ACIN1: variants seen among roughly 807,000 people sequenced by gnomAD.
ACIN1 encodes the protein apoptotic chromatin condensation inducer 1.
Under a neutral mutation model 146.6 loss-of-function variants are expected in ACIN1, and 16 were observed. That is an observed-to-expected ratio of 0.11 (90% CI 0.07 to 0.17). ACIN1 has a LOEUF of 0.17. Ranked by LOEUF, ACIN1 falls within the 10% of genes least tolerant of loss-of-function variation. The pLI is 1.00. For missense variants in ACIN1, 1,357 were observed against 1,609.3 expected, an observed-to-expected ratio of 0.84 and a Z score of 2.68; for synonymous variants, 569 against 582.7, an observed-to-expected ratio of 0.98 and a Z score of 0.34.
At chr14:23,062,085 G>T in intron 16 of ACIN1, 83 bp downstream of exon 16, 3 of 1,145,724 alleles carry the variant, frequency 2.6e-6, no homozygotes, top group Non-Finnish European at 3.9e-6. Flanking sequence ...AGAGACTGCA[G>T]GTCTGGCAAG....
rs992697186 is a variant in ACIN1, at chr14:23,068,035, C to A, written c.2265+1441G>T. ...TCCAGGGATGGAGGAGAAGTTGGAG[C>A]AACCAACATGCTGCCCTTCACCATG... On this transcript the variant is annotated intron_variant, in intron 9 of 18. Transcript: ENST00000605057. This position sits in a 1 kb window ranked among gnomAD's most constrained non-coding sequence, Gnocchi z 4.3. 1.2e-5 allele frequency: 12 copies of A among 985,770 alleles called. No homozygotes were observed. The African/African-American group carries it at 1.7e-4, about 14-fold the overall frequency. 61.1% of individuals were successfully genotyped at this position (985,770 alleles called of 1,614,324 possible). A position where few individuals can be genotyped will look rare whatever the true frequency, so the allele number is the denominator to read the frequency against.
At chr14:23,071,026 C>G (rs2047628486) in intron 8 of ACIN1, 2 of 1,392,460 alleles carry the variant, frequency 1.4e-6, no homozygotes, top group Admixed American at 2.1e-5. Context: ...GAAAACAAAC[C>G]AAAACGAAAG....
At chr14:23,076,475 G>GA (rs2047804615) in intron 8 of ACIN1, 1 of 152,196 alleles carries the variant, frequency 6.6e-6, no homozygotes, top group Non-Finnish European at 1.5e-5. Flanking sequence ...TTTACCTGGA[G>GA]TGGGGGGACA....
chr14:23,064,006 G>T, intron 12 of ACIN1, 99 bp downstream of exon 12: 1 of 1,516,512 alleles, frequency 6.6e-7, no homozygotes, highest in South Asian at 1.2e-5. Flanking sequence ...TGCACAGACA[G>T]GGAAGTTCCC....
chr14:23,063,230 G>T, intron 13 of ACIN1, 156 bp from the exon 14 acceptor site: 1 of 1,114,974 alleles, frequency 9.0e-7, no homozygotes, highest in Non-Finnish European at 1.3e-6. Context: ...TACTGTGCTA[G>T]GCTAACCTCC....
At chr14:23,088,656 C>CACT (rs34578103) in intron 4 of ACIN1, among the ~76,000 whole-genome samples, 60,947 of 151,864 alleles carry the variant, frequency 0.4, 12,193 homozygotes, top group Middle Eastern at 0.54. Flanking sequence ...TCCCCCTCAA[C>CACT]ACTAATTATT....
chr14:23,094,866 G>A (rs1363326777), intron 1 of ACIN1, 109 bp downstream of exon 1: 3 of 1,423,016 alleles, frequency 2.1e-6, no homozygotes, highest in Non-Finnish European at 1.9e-6. Context: ...TCGCGCTGGC[G>A]GCCTGAGCGA....
chr14:23,095,139 C>G, upstream of ACIN1: 1 of 1,614,244 alleles, frequency 6.2e-7, no homozygotes, highest in African/African-American at 1.3e-5. Context: ...GGGTCCGTCC[C>G]GACGGCTTCG....
rs141583745 is a variant in ACIN1 at position 23,071,088 on chromosome 14, C to T, written c.2124-1471G>A. On this transcript the variant is annotated intron_variant, in intron 8 of 18. Coordinates refer to ENST00000605057, the MANE Select transcript of ACIN1 (RefSeq NM_001386863.1). ...AGGAAGACGAAGGGAGCTAGGGCGG[C>T]GGGGAAAAGGCATACATGGAAATGT... is the stretch of plus-strand genomic sequence containing the variant. 5.8e-4 allele frequency: 886 copies of T among 1,538,902 alleles called. 4 individuals are homozygous for T. In the African/African-American group the frequency reaches 8.8e-3, roughly 15 times the overall value.
In ACIN1 at chr14:23,063,466, G is replaced by A. The variant is rs777661711; in HGVS notation, c.2707C>T (p.Pro903Ser). ...TTTACTTCATGCTCTGCAGGTGGGGGCAAGGCCACCTCTACTGACACCTGG... is the reference window on the plus strand; with the variant it reads ...TTTACTTCATGCTCTGCAGGTGGGGACAAGGCCACCTCTACTGACACCTGG... ...PPQVSVEVAL[P>S]PPAEHEVKKV... The change falls in exon 13 of 19, where the codon CCC becomes TCC. Residue 903 changes from proline (P) to serine (S), a missense_variant. Transcript: ENST00000605057. 6.2e-7 allele frequency: 1 copy of A among 1,614,162 alleles called. No homozygotes were observed. The highest frequency in any genetic ancestry group is 8.5e-7 in the Non-Finnish European group (1 of 1,180,032).
chr14:23,093,607 C>G, intron 1 of ACIN1, 63 bp from the exon 2 acceptor site: 7 of 1,350,784 alleles, frequency 5.2e-6, no homozygotes, highest in Non-Finnish European at 7.4e-6. Context: ...AAACCCCCAC[C>G]TCTACCACAA....
chr14:23,063,464 G>A lies in ACIN1; in HGVS notation c.2709C>T (p.Pro903=). The change falls in exon 13 of 19, where the codon CCC becomes CCT. Residue 903 remains proline, a synonymous_variant. Transcript: ENST00000605057. ...PPQVSVEVAL[P]PPAEHEVKKV... is the part of the protein sequence containing the mutation. ...TCTTTACTTCATGCTCTGCAGGTGG[G>A]GGCAAGGCCACCTCTACTGACACCT... 1 of 1,614,114 alleles carries A rather than the reference G, an allele frequency of 6.2e-7. No individual in the cohort carries two copies. The highest frequency in any genetic ancestry group is 8.5e-7 in the Non-Finnish European group (1 of 1,180,002).
At chr14:23,077,388 C>A (rs1302837788) in intron 8 of ACIN1, among the ~76,000 whole-genome samples, 1 of 152,148 alleles carries the variant, frequency 6.6e-6, no homozygotes, top group Non-Finnish European at 1.5e-5. Context: ...CAATCTTATT[C>A]CCATAAGGCT....
Position 23,064,447 on chromosome 14 carries a change from C to G in ACIN1, c.2350G>C (p.Gly784Arg), listed in dbSNP as rs762806045. Residue 784 changes from glycine (G) to arginine (R), a missense_variant, in exon 11 of 19, where the codon GGG (glycine) becomes CGG (arginine). Around this residue, in one of 4 missense-constraint regions of ACIN1, gnomAD observed 509 missense variants for 719.6 expected, o/e 0.71. Coordinates refer to ENST00000605057, the MANE Select transcript of ACIN1 (RefSeq NM_001386863.1). ...GVPAGNSDTE[G>R]GQPGRKRRWG... is the part of the protein sequence containing the mutation. ...CGTCGTTTCCGACCAGGCTGGCCCC[C>G]CTCTGTGTCACTGTTTCCAGCTGGC... 103 of 1,614,152 alleles carry G rather than the reference C, an allele frequency of 6.4e-5. No individual in the cohort carries two copies. Among genetic ancestry groups the G allele is most frequent in the Admixed American group, 2.2e-4 (13 of 60,014 alleles).
At chr14:23,061,664 A>G (rs928889924) in intron 16 of ACIN1, 42 bp from the exon 17 acceptor site, 1 of 1,468,790 alleles carries the variant, frequency 6.8e-7, no homozygotes, top group Non-Finnish European at 9.0e-7. Flanking sequence ...GATAGAGGTG[A>G]TATCACTCCC....
At chr14:23,060,039 T>C (rs11844438) in intron 18 of ACIN1, among the ~76,000 whole-genome samples, 13,084 of 146,200 alleles carry the variant, frequency 0.089, 744 homozygotes, top group African/African-American at 0.16. Context: ...CTCACTGTGG[T>C]CTCCGACTCG....
At chr14:23,086,948 A>G (rs950653483) in intron 4 of ACIN1, among the ~76,000 whole-genome samples, 5 of 152,214 alleles carry the variant, frequency 3.3e-5, no homozygotes, top group African/African-American at 1.2e-4. Flanking sequence ...TAAAAAATGT[A>G]GAGCCCCAGG....
At chr14:23,072,076 G>A (rs990093915) in intron 8 of ACIN1, among the ~76,000 whole-genome samples, 4 of 152,178 alleles carry the variant, frequency 2.6e-5, no homozygotes, top group Admixed American at 2.6e-4. Context: ...GTAGGGAGGT[G>A]GGATGGGAAT....
At chr14:23,088,176 G>C (rs1177813311) in intron 4 of ACIN1, among the ~76,000 whole-genome samples, 3 of 152,090 alleles carry the variant, frequency 2.0e-5, no homozygotes, top group Non-Finnish European at 2.9e-5. Context: ...TTTTATGTGA[G>C]AAGAAATACC....
Sources: allele counts gnomAD v4.1 joint callset (sites outside exome capture counted in the v4.1 genomes callset), GRCh38; gene constraint gnomAD v4.1.1; regional missense constraint gnomAD v4.1.1; non-coding constraint Gnocchi (gnomAD v3.1); transcripts MANE v1.5; gene names NCBI Gene and HGNC (gene_info 2026-07-23, HGNC 2026-07-21).